ANK2: variants seen among roughly 807,000 people sequenced by gnomAD.
ANK2 encodes the protein ankyrin-2.
Under a neutral mutation model 360.5 loss-of-function variants are expected in ANK2, and 83 were observed. The observed-to-expected ratio is 0.23, with a 90% CI of 0.19 to 0.28. The LOEUF (loss-of-function observed/expected upper bound fraction) is 0.28. Among genes scored for constraint, ANK2 ranks in the 10% least tolerant of loss-of-function variants. The probability of loss-of-function intolerance (pLI) is 1.00; values close to 1 mark genes in which losing one functional copy is unlikely to be tolerated. For synonymous variants in ANK2, 1,740 were observed against 1,759.5 expected (o/e 0.99, Z 0.28); for missense variants, 4,201 against 4,795.7 (o/e 0.88, Z 3.66).
intron 2 of ANK2, among the ~76,000 whole-genome samples, chr4:112,957,728 G>T (rs2030787846): frequency 2.0e-5 from 3 of 151,428 alleles, no homozygotes; most frequent in African/African-American, 7.3e-5. Context: ...CGGGGTGGCT[G>T]CCGGGCGGAG....
chr4:113,318,910 A>G (rs2084443131), intron 26 of ANK2, among the ~76,000 whole-genome samples: 1 of 152,200 alleles, frequency 6.6e-6, no homozygotes, highest in Non-Finnish European at 1.5e-5. Flanking sequence ...TGGCCTTCCT[A>G]CTATTCACGT....
intron 1 of ANK2, chr4:112,826,574 A>T (rs1371545925): frequency 2.8e-6 from 4 of 1,432,340 alleles, no homozygotes; most frequent in Non-Finnish European, 3.8e-6. Flanking sequence ...TTTCACAACC[A>T]GCTGGGATTC....
intron 10 of ANK2, among the ~76,000 whole-genome samples, chr4:113,253,512 A>G (rs899447905): frequency 6.6e-6 from 1 of 152,066 alleles, no homozygotes; most frequent in South Asian, 2.1e-4. Context: ...CACTGGATAT[A>G]ACACCCACCC....
the ANK2 span, among the ~76,000 whole-genome samples, chr4:112,723,468 A>G: frequency 6.6e-6 from 1 of 152,146 alleles, no homozygotes; most frequent in Non-Finnish European, 1.5e-5. Flanking sequence ...GGTTCAAGCA[A>G]TTCTCCTGCC....
chr4:113,174,679 G>A (rs2098125433), intron 2 of ANK2, among the ~76,000 whole-genome samples, 162 bp downstream of exon 2: 1 of 152,192 alleles, frequency 6.6e-6, no homozygotes, highest in Non-Finnish European at 1.5e-5. Context: ...TCAAGTATCA[G>A]ATGTTTGTAT....
At chr4:113,241,368 G>A (rs188876297) in intron 8 of ANK2, among the ~76,000 whole-genome samples, 243 of 152,248 alleles carry the variant, frequency 1.6e-3, no homozygotes, top group African/African-American at 5.4e-3. Flanking sequence ...GACAGGGTCT[G>A]GCTCTGTTGC....
intron 2 of ANK2, among the ~76,000 whole-genome samples, chr4:113,042,996 A>G (rs774505685): frequency 1.6e-4 from 24 of 152,120 alleles, no homozygotes; most frequent in Non-Finnish European, 2.9e-4. Flanking sequence ...TAAGCTCTGT[A>G]AGGAAAAAGA....
At chr4:112,727,324 G>A in the ANK2 span, among the ~76,000 whole-genome samples, 1 of 151,850 alleles carries the variant, frequency 6.6e-6, no homozygotes, top group Non-Finnish European at 1.5e-5. Context: ...GTTGCTGTAA[G>A]GATTGAAATA....
intron 15 of ANK2, among the ~76,000 whole-genome samples, chr4:113,277,278 A>G (rs2060575902): frequency 6.6e-6 from 1 of 152,194 alleles, no homozygotes; most frequent in Non-Finnish European, 1.5e-5. Context: ...ACAAGTCAGG[A>G]TGGGAGTTGC....
At chr4:113,331,650 C>T (rs1242865734) in intron 27 of ANK2, among the ~76,000 whole-genome samples, 2 of 152,202 alleles carry the variant, frequency 1.3e-5, no homozygotes, top group Non-Finnish European at 2.9e-5. Context: ...GGCCTCTGTA[C>T]AGGGCAGAGT....
intron 2 of ANK2, among the ~76,000 whole-genome samples, chr4:112,972,251 T>G (rs1481450674): frequency 1.3e-5 from 2 of 152,174 alleles, no homozygotes; most frequent in African/African-American, 4.8e-5. Context: ...TAGGTCTACA[T>G]GTGCCATGGT....
At chr4:112,935,078 G>A (rs980827581) in intron 2 of ANK2, among the ~76,000 whole-genome samples, 9 of 151,910 alleles carry the variant, frequency 5.9e-5, no homozygotes, top group Non-Finnish European at 1.2e-4. Flanking sequence ...TGTGGCTGGA[G>A]TAGGTAAGCA....
intron 14 of ANK2, among the ~76,000 whole-genome samples, chr4:113,266,801 C>T (rs576307342): frequency 4.6e-5 from 7 of 152,168 alleles, no homozygotes; most frequent in Middle Eastern, 3.4e-3. Context: ...CTCTTGAACC[C>T]GGGAGGCGGA....
intron 2 of ANK2, chr4:112,980,102 TC>T: frequency 6.6e-6 from 1 of 152,270 alleles, no homozygotes; most frequent in Non-Finnish European, 1.5e-5. Flanking sequence ...CCTCAGCCAC[TC>T]CCCTGGCCCC....
chr4:112,867,607 A>G (rs922875922), intron 1 of ANK2, among the ~76,000 whole-genome samples: 112 of 150,900 alleles, frequency 7.4e-4, no homozygotes, highest in African/African-American at 2.6e-3. Context: ...CTTTGCTTCT[A>G]TGGATTTGCT....
At chr4:112,948,173 G>A (rs2154250991) in intron 2 of ANK2, among the ~76,000 whole-genome samples, 1 of 152,286 alleles carries the variant, frequency 6.6e-6, no homozygotes, top group African/African-American at 2.4e-5. Context: ...CAGAGGATCA[G>A]GTCTGTGCCA....
At chr4:113,202,706 A>G (rs1212769354) in intron 4 of ANK2, among the ~76,000 whole-genome samples, 1 of 152,342 alleles carries the variant, frequency 6.6e-6, no homozygotes, top group African/African-American at 2.4e-5. Context: ...GGAAATACAC[A>G]CTTACGGATT....
chr4:113,291,846 C>T (rs1390121915), intron 20 of ANK2, among the ~76,000 whole-genome samples: 1 of 152,148 alleles, frequency 6.6e-6, no homozygotes, highest in African/African-American at 2.4e-5. Flanking sequence ...TCAGTTTCAT[C>T]ACGTCTGAAA....
At chr4:113,342,907 G>C in intron 33 of ANK2, 110 bp from the exon 34 acceptor site, 1 of 1,350,916 alleles carries the variant, frequency 7.4e-7, no homozygotes, top group Non-Finnish European at 1.0e-6. Flanking sequence ...AAAGATGGTT[G>C]TATGTGTATT....
Sources: allele counts gnomAD v4.1 joint callset (sites outside exome capture counted in the v4.1 genomes callset), GRCh38; gene constraint gnomAD v4.1.1; transcripts MANE v1.5; gene names NCBI Gene and HGNC (gene_info 2026-07-23, HGNC 2026-07-21).